SOCS5: variants seen among roughly 807,000 people sequenced by gnomAD.
The protein encoded by SOCS5 is CIS-6.
A neutral mutation model predicts 42.8 loss-of-function variants in SOCS5; 32 were observed. The observed-to-expected ratio is 0.75, with a 90% CI of 0.56 to 1.01. The LOEUF (loss-of-function observed/expected upper bound fraction) is 1.01, where lower values mean the gene tolerates loss of function less well. Among genes scored for constraint, SOCS5 ranks in the 50% least tolerant of loss-of-function variants. The pLI, the probability that SOCS5 is intolerant of heterozygous loss-of-function variation, is 0.00. For synonymous variants in SOCS5, 283 were observed against 229.6 expected (o/e 1.23, Z -2.10); for missense variants, 627 against 653.0 (o/e 0.96, Z 0.43).
chr2:46,737,737 G>A (rs373274318), intron 1 of SOCS5, among the ~76,000 whole-genome samples: 2 of 152,070 alleles, frequency 1.3e-5, no homozygotes, highest in South Asian at 4.1e-4. Flanking sequence ...GCAAAATGGT[G>A]AGTCATGCTT....
chr2:46,742,541 T>G, intron 1 of SOCS5, among the ~76,000 whole-genome samples: 1 of 152,360 alleles, frequency 6.6e-6, no homozygotes, highest in South Asian at 2.1e-4. Flanking sequence ...TTTTTTGATA[T>G]ACAGAAATCT....
chr2:46,729,794 T>C (rs537719563), intron 1 of SOCS5, among the ~76,000 whole-genome samples: 1 of 152,342 alleles, frequency 6.6e-6, no homozygotes, highest in African/African-American at 2.4e-5. Flanking sequence ...CTTTCTTCAA[T>C]AACAAATTGA....
chr2:46,705,084 G>A (rs1423244377), intron 1 of SOCS5, among the ~76,000 whole-genome samples: 1 of 152,188 alleles, frequency 6.6e-6, no homozygotes, highest in African/African-American at 2.4e-5. Flanking sequence ...ATTTCTGACT[G>A]TTTATTTGTA....
chr2:46,730,334 C>T (rs1673087885), intron 1 of SOCS5, among the ~76,000 whole-genome samples: 1 of 151,988 alleles, frequency 6.6e-6, no homozygotes. Context: ...GGCATGGTGG[C>T]TCACGTCTGT....
intron 1 of SOCS5, among the ~76,000 whole-genome samples, chr2:46,737,628 C>A (rs1340583035): frequency 1.3e-5 from 2 of 152,156 alleles, no homozygotes; most frequent in Non-Finnish European, 2.9e-5. Flanking sequence ...CTAAAATTAT[C>A]TGATCAAGCT....
chr2:46,748,239 G>A (rs1673549298), intron 1 of SOCS5, among the ~76,000 whole-genome samples: 1 of 146,958 alleles, frequency 6.8e-6, no homozygotes. Context: ...AGGCTGGAGT[G>A]CAGTGGTACG....
chr2:46,729,362 G>A (rs1487594396), intron 1 of SOCS5, among the ~76,000 whole-genome samples: 1 of 152,134 alleles, frequency 6.6e-6, no homozygotes, highest in Non-Finnish European at 1.5e-5. Context: ...ACAGGGATAC[G>A]TTCTGGGAAG....
chr2:46,714,370 TG>T (rs1672692968), intron 1 of SOCS5, among the ~76,000 whole-genome samples: 1 of 152,240 alleles, frequency 6.6e-6, no homozygotes, highest in Admixed American at 6.5e-5. Context: ...GTTGATGAAT[TG>T]ACCCCTCTGT....
intron 1 of SOCS5, among the ~76,000 whole-genome samples, chr2:46,746,051 T>G (rs1673488051): frequency 8.0e-6 from 1 of 125,346 alleles, no homozygotes; most frequent in Admixed American, 7.7e-5. Context: ...GCCCTTTGAG[T>G]TTTTTTTTTT....
chr2:46,717,367 C>T (rs1672771283), intron 1 of SOCS5, among the ~76,000 whole-genome samples: 2 of 152,086 alleles, frequency 1.3e-5, no homozygotes, highest in Non-Finnish European at 1.5e-5. Context: ...CCTCTTATCT[C>T]GTGTGAAAAC....
chr2:46,753,885 G>A (rs1391979806), intron 1 of SOCS5, among the ~76,000 whole-genome samples: 1 of 152,114 alleles, frequency 6.6e-6, no homozygotes, highest in Non-Finnish European at 1.5e-5. Context: ...ACATCCTAAT[G>A]CATTATAATT....
chr2:46,703,002 T>C (rs1672377313), intron 1 of SOCS5, among the ~76,000 whole-genome samples: 1 of 152,250 alleles, frequency 6.6e-6, no homozygotes, highest in Non-Finnish European at 1.5e-5. Context: ...CTTTGCCTTC[T>C]GTCACAATAT....
At chr2:46,729,480 G>T (rs149106414) in intron 1 of SOCS5, among the ~76,000 whole-genome samples, 1 of 152,148 alleles carries the variant, frequency 6.6e-6, no homozygotes, top group Non-Finnish European at 1.5e-5. Flanking sequence ...CCTGTTGCTC[G>T]TAGGCTACAA....
rs41379147 is a variant in SOCS5 at position 46,760,199 on chromosome 2, C to T, written c.*58C>T. On this transcript the variant is annotated 3_prime_UTR_variant, in exon 2 of 2. Transcript: ENST00000394861. ...CCGCTTTCATGTGCATCAGACAGTACACCTATAGCAAGCACACGTAGCAGT... is the reference window on the plus strand; with the variant it reads ...CCGCTTTCATGTGCATCAGACAGTATACCTATAGCAAGCACACGTAGCAGT... The T allele has an allele frequency of 0.055, 69,527 of 1,265,382 alleles. 2,038 individuals are homozygous for T. Among genetic ancestry groups the T allele is most frequent in the Middle Eastern group, 0.094 (482 of 5,134 alleles). The allele number at this position is 1,265,382 out of a possible 1,614,324, so 78.4% of individuals were successfully genotyped here. A position where few individuals can be genotyped will look rare whatever the true frequency, so the allele number is the denominator to read the frequency against.
At chr2:46,708,882 T>C (rs1672553338) in intron 1 of SOCS5, among the ~76,000 whole-genome samples, 3 of 9,978 alleles carry the variant, frequency 3.0e-4, no homozygotes, top group African/African-American at 2.3e-3. Context: ...CCTGAAGCCT[T>C]TTTTTTTTTT....
chr2:46,760,327 G>T lies in SOCS5; in HGVS notation c.*186G>T. ...ACATGGTGCCTATTGGAACAATAGCGGATAGAGCTACAGGTGTTCAGTAAG... is the reference window on the plus strand; with the variant it reads ...ACATGGTGCCTATTGGAACAATAGCTGATAGAGCTACAGGTGTTCAGTAAG... On this transcript the variant is annotated 3_prime_UTR_variant, in exon 2 of 2. Transcript: ENST00000394861. 1.7e-6 allele frequency: 1 copy of T among 588,690 alleles called. No individual in the cohort carries two copies. Among genetic ancestry groups the T allele is most frequent in the Non-Finnish European group, 3.1e-6 (1 of 325,912 alleles). 36.5% of individuals were successfully genotyped at this position (588,690 alleles called of 1,614,324 possible). A position where few individuals can be genotyped will look rare whatever the true frequency, so the allele number is the denominator to read the frequency against.
At chr2:46,709,127 G>A (rs1672559160) in intron 1 of SOCS5, among the ~76,000 whole-genome samples, 1 of 152,008 alleles carries the variant, frequency 6.6e-6, no homozygotes, top group Non-Finnish European at 1.5e-5. Context: ...CTCGCGATCC[G>A]CCCGCCTTGG....
chr2:46,717,039 C>T (rs764605551), intron 1 of SOCS5, among the ~76,000 whole-genome samples: 9 of 152,204 alleles, frequency 5.9e-5, no homozygotes, highest in South Asian at 4.1e-4. Context: ...TTTTCTTGGA[C>T]GTTTTTCTTT....
chr2:46,707,103 AGAG>A (rs1335444919), intron 1 of SOCS5, among the ~76,000 whole-genome samples: 2 of 152,200 alleles, frequency 1.3e-5, no homozygotes, highest in South Asian at 2.1e-4. Context: ...CACAGAAGGT[AGAG>A]GAGGAGAAGT....
Sources: allele counts gnomAD v4.1 joint callset (sites outside exome capture counted in the v4.1 genomes callset), GRCh38; gene constraint gnomAD v4.1.1; transcripts MANE v1.5; gene names NCBI Gene and HGNC (gene_info 2026-07-23, HGNC 2026-07-21).